The following SNAP91 variants were observed in gnomAD, a reference collection of about 807,000 sequenced individuals.
The protein encoded by SNAP91 is clathrin coat assembly protein AP180.
In SNAP91, 27 loss-of-function variants were observed where a neutral mutation model predicts 100.3. That is an observed-to-expected ratio of 0.27 (90% CI 0.20 to 0.37). The LOEUF is 0.37. Among genes scored for constraint, SNAP91 ranks in the 10% least tolerant of loss-of-function variants. The probability of loss-of-function intolerance (pLI) is 1.00; values close to 1 mark genes in which losing one functional copy is unlikely to be tolerated. For synonymous variants in SNAP91, 404 were observed against 398.6 expected, an observed-to-expected ratio of 1.01 and a Z score of -0.16; for missense variants, 986 against 1,123.7, an observed-to-expected ratio of 0.88 and a Z score of 1.75.
intron 10 of SNAP91, 115 bp downstream of exon 10, chr6:83,616,854 T>C (rs1478114100): frequency 1.5e-6 from 1 of 666,848 alleles, no homozygotes; most frequent in Non-Finnish European, 2.4e-6. Context: ...CAGAAAATTA[T>C]AACAAAGCAT....
intron 7 of SNAP91, among the ~76,000 whole-genome samples, chr6:83,653,382 C>T (rs1474075270): frequency 1.3e-5 from 2 of 151,962 alleles, no homozygotes; most frequent in African/African-American, 4.8e-5. Context: ...ATTGATATAT[C>T]TGTAAGCTTA....
intron 3 of SNAP91, among the ~76,000 whole-genome samples, chr6:83,664,478 G>A (rs2098636653): frequency 6.6e-6 from 1 of 152,070 alleles, no homozygotes; most frequent in Non-Finnish European, 1.5e-5. Flanking sequence ...TGACTTTGAG[G>A]GATTCAAGAC....
At chr6:83,599,041 T>C (rs1320797960) in intron 16 of SNAP91, among the ~76,000 whole-genome samples, 1 of 152,178 alleles carries the variant, frequency 6.6e-6, no homozygotes, top group Non-Finnish European at 1.5e-5. Context: ...AACAGTCTCA[T>C]TCTTTGACAT....
intron 7 of SNAP91, among the ~76,000 whole-genome samples, chr6:83,643,805 G>A (rs181819471): frequency 3.9e-4 from 60 of 152,190 alleles, no homozygotes; most frequent in African/African-American, 7.2e-4. Flanking sequence ...GGGTATTTAA[G>A]GGAAGCAAAA....
intron 3 of SNAP91, among the ~76,000 whole-genome samples, chr6:83,665,140 A>G (rs1230634803): frequency 6.6e-6 from 1 of 152,012 alleles, no homozygotes; most frequent in Admixed American, 6.6e-5. Flanking sequence ...AAACCAAAAC[A>G]TTTGTGTGAC....
intron 16 of SNAP91, among the ~76,000 whole-genome samples, chr6:83,599,633 A>G (rs192550837): frequency 2.2e-4 from 34 of 152,326 alleles, no homozygotes; most frequent in Admixed American, 1.8e-3. Flanking sequence ...TCAGGCCTAA[A>G]CAACTTTGAC....
At chr6:83,652,043 C>T (rs1418215686) in intron 7 of SNAP91, among the ~76,000 whole-genome samples, 2 of 152,060 alleles carry the variant, frequency 1.3e-5, no homozygotes, top group African/African-American at 4.8e-5. Flanking sequence ...TTAGTGTTAG[C>T]ATGGTGTATT....
chr6:83,666,645 G>T (rs899919099), intron 2 of SNAP91, among the ~76,000 whole-genome samples: 3 of 152,036 alleles, frequency 2.0e-5, no homozygotes, highest in Admixed American at 1.3e-4. Context: ...TTCTACCACT[G>T]AAAAATATCT....
In SNAP91 at chr6:83,616,510, C is replaced by T. The variant is rs1251367381; in HGVS notation, c.878+459G>A. ...AATAAAATGTCAGTAGTATGCCATG[C>T]CTAATAGTTCAAGTAGGGAGATACT... On this transcript the variant is annotated intron_variant, in intron 10 of 29. Transcript: ENST00000369694. Among the ~76,000 whole-genome samples the T allele has an allele frequency of 1.3e-5, 2 of 151,948 alleles. 1 individual carries two copies. Among genetic ancestry groups the T allele is most frequent in the Non-Finnish European group, 2.9e-5 (2 of 67,980 alleles).
intron 26 of SNAP91, among the ~76,000 whole-genome samples, chr6:83,566,592 G>A (rs1329616540): frequency 6.6e-6 from 1 of 152,138 alleles, no homozygotes; most frequent in East Asian, 1.9e-4. Flanking sequence ...TGAAGAAATT[G>A]TCTGAGTTAG....
chr6:83,593,740 G>A lies in SNAP91; in HGVS notation c.1434C>T (p.Asp478=), dbSNP rs1199853508. Residue 478 remains aspartate (D), a splice_region_variant and synonymous_variant, in exon 18 of 30, where the codon GAC becomes GAT. Transcript: ENST00000369694. The stretch of plus-strand genomic sequence containing the variant: ...CACTACCTTCAGACGGGGCAAAGGG[G>A]TCTTTTGGAAAGGAAAGTGGAGACA... ...AAALDACSGN[D]PFAPSEGSAE... 2 of 1,557,664 alleles carry A rather than the reference G, an allele frequency of 1.3e-6. No individual in the cohort carries two copies. The highest frequency in any genetic ancestry group is 1.4e-5 in the African/African-American group (1 of 73,252).
At chr6:83,620,705 G>GT (rs111238933) in intron 9 of SNAP91, among the ~76,000 whole-genome samples, 7,260 of 146,224 alleles carry the variant, frequency 0.05, 507 homozygotes, top group African/African-American at 0.16. Context: ...CTATGAACAG[G>GT]TTTTTTTTTT....
intron 26 of SNAP91, among the ~76,000 whole-genome samples, chr6:83,566,377 T>G (rs1309886018): frequency 6.6e-6 from 1 of 152,142 alleles, no homozygotes; most frequent in Admixed American, 6.5e-5. Flanking sequence ...CAATAAAAAT[T>G]TTTTCAAAAG....
chr6:83,592,862 G>A, intron 20 of SNAP91, 84 bp downstream of exon 20: 1 of 1,048,072 alleles, frequency 9.5e-7, no homozygotes, highest in Non-Finnish European at 1.4e-6. Context: ...AAGAACTCAA[G>A]AAAAACCCAC....
intron 26 of SNAP91, among the ~76,000 whole-genome samples, chr6:83,565,638 T>C (rs1795508193): frequency 6.6e-6 from 1 of 152,096 alleles, no homozygotes; most frequent in African/African-American, 2.4e-5. Context: ...AAAAGAATTT[T>C]TCCTCCCCTA....
chr6:83,575,267 T>G (rs1816417304), intron 25 of SNAP91, 146 bp from the exon 26 acceptor site: 2 of 628,702 alleles, frequency 3.2e-6, no homozygotes. Flanking sequence ...CAGTTAAAAC[T>G]TACAGAGGAA....
intron 8 of SNAP91, among the ~76,000 whole-genome samples, chr6:83,634,722 T>C (rs1293041095): frequency 6.6e-6 from 1 of 152,326 alleles, no homozygotes; most frequent in African/African-American, 2.4e-5. Flanking sequence ...AGTTCCTTTA[T>C]GTGTGATGTT....
At position 83,580,576 on chromosome 6, in the gene SNAP91, A is replaced by T. The variant is rs564010316; in HGVS notation, c.2173T>A (p.Leu725Met). The change falls in exon 24 of 30, where the codon TTG (leucine) becomes ATG (methionine). Residue 725 changes from leucine (L) to methionine (M), a missense_variant. Leu to Met is a conservative substitution (Grantham distance 15, BLOSUM62 2). Around this residue, in one of 4 missense-constraint regions of SNAP91, gnomAD observed 575 missense variants for 579.9 expected, o/e 0.99. Coordinates refer to ENST00000369694, the MANE Select transcript of SNAP91 (RefSeq NM_001242792.2). ...PSVFDGLGDL[L>M]MPTMAPAGQP... The stretch of plus-strand genomic sequence containing the variant: ...CCAGCTGGTGCCATGGTTGGCATCA[A>T]AAGATCACCTAGACCATCAAACACT... 6.2e-7 allele frequency: 1 copy of T among 1,613,064 alleles called. No individual in the cohort carries two copies. Among genetic ancestry groups the T allele is most frequent in the South Asian group, 1.1e-5 (1 of 90,776 alleles).
At chr6:83,592,344 C>T in intron 21 of SNAP91, 111 bp downstream of exon 21, 1 of 685,838 alleles carries the variant, frequency 1.5e-6, no homozygotes, top group Non-Finnish European at 2.3e-6. Context: ...ATTTAAGAGA[C>T]AGAATTTTAT....
Sources: gnomAD v4.1 joint callset for allele counts (sites outside exome capture counted in the v4.1 genomes callset) on GRCh38, gnomAD v4.1.1 for gene constraint, gnomAD v4.1.1 regional missense constraint, MANE v1.5 for transcripts, NCBI Gene and HGNC (gene_info 2026-07-23, HGNC 2026-07-21) for gene names.